Variants in GRIN2B observed in about 807,000 individuals in gnomAD.
GRIN2B encodes glutamate receptor ionotropic, NMDA 2B.
GRIN2B carries 5 observed loss-of-function variants against 114.5 expected under a neutral mutation model. The ratio of observed to expected loss-of-function variants is 0.04; its 90% confidence interval spans 0.02 to 0.09. The LOEUF (loss-of-function observed/expected upper bound fraction) is 0.09. Among genes scored for constraint, GRIN2B ranks in the 10% least tolerant of loss-of-function variants. The pLI is 1.00. For missense variants in GRIN2B, 1,108 were observed against 1,943.5 expected, an observed-to-expected ratio of 0.57 and a Z score of 8.08; for synonymous variants, 787 against 745.1, an observed-to-expected ratio of 1.06 and a Z score of -0.92.
intron 10 of GRIN2B, among the ~76,000 whole-genome samples, chr12:13,581,043 C>T (rs1379387363): frequency 1.3e-5 from 2 of 152,162 alleles, no homozygotes; most frequent in African/African-American, 4.8e-5. Flanking sequence ...TATGTGAATG[C>T]ACCAGTTGAT....
intron 5 of GRIN2B, among the ~76,000 whole-genome samples, chr12:13,647,846 A>G (rs771754637): frequency 4.6e-5 from 7 of 152,112 alleles, no homozygotes; most frequent in Non-Finnish European, 1.0e-4. Context: ...GCCTATGAAT[A>G]AGGTTCCATG....
chr12:13,975,020 T>C (rs748354907), intron 2 of GRIN2B, among the ~76,000 whole-genome samples: 3 of 152,078 alleles, frequency 2.0e-5, no homozygotes, highest in Non-Finnish European at 2.9e-5. Flanking sequence ...AGGCAAAAGA[T>C]GTGCATAGGT....
At chr12:13,732,139 T>C (rs1489164645) in intron 4 of GRIN2B, among the ~76,000 whole-genome samples, 3 of 152,220 alleles carry the variant, frequency 2.0e-5, no homozygotes, top group African/African-American at 4.8e-5. Context: ...CCCTTTACTA[T>C]TGCATGTTCA....
In GRIN2B at chr12:13,552,590, C is replaced by T. The variant is rs1427993080; in HGVS notation, c.*10193G>A. 1.3e-5 allele frequency: 2 copies of T among 151,922 alleles called. No homozygotes were observed. The highest frequency in any genetic ancestry group is 1.9e-4 in the East Asian group (1 of 5,174). The allele number at this position is 151,922 out of a possible 1,614,324, so 9.4% of individuals were successfully genotyped here. On this transcript the variant is annotated 3_prime_UTR_variant, in exon 14 of 14. Transcript: ENST00000609686. ...TATTGGCCCAAATGAGATTCATGAA[C>T]GTCCTTCATGAGGATGGCTGTCTTC...
intron 5 of GRIN2B, among the ~76,000 whole-genome samples, chr12:13,657,518 G>A (rs1949877925): frequency 6.6e-6 from 1 of 152,212 alleles, no homozygotes; most frequent in Admixed American, 6.5e-5. Context: ...CAGGTGTTTG[G>A]TGTTCCCTGA....
intron 4 of GRIN2B, among the ~76,000 whole-genome samples, chr12:13,742,557 A>G (rs1863305308): frequency 6.6e-6 from 1 of 152,126 alleles, no homozygotes; most frequent in African/African-American, 2.4e-5. Context: ...CAGCCTCTCA[A>G]GTAGCTAGGA....
intron 4 of GRIN2B, among the ~76,000 whole-genome samples, chr12:13,712,166 G>A (rs1479598581): frequency 6.6e-6 from 1 of 151,028 alleles, no homozygotes; most frequent in Non-Finnish European, 1.5e-5. Flanking sequence ...ACTCATAGGT[G>A]GGAATTGAAC....
intron 4 of GRIN2B, among the ~76,000 whole-genome samples, chr12:13,715,376 C>T (rs748867188): frequency 3.4e-4 from 51 of 151,782 alleles, no homozygotes; most frequent in African/African-American, 8.9e-4. Flanking sequence ...AAATGTTTTT[C>T]TTTCTGGCAA....
At chr12:13,874,838 T>C (rs906053532) in intron 2 of GRIN2B, among the ~76,000 whole-genome samples, 2 of 152,090 alleles carry the variant, frequency 1.3e-5, no homozygotes, top group Admixed American at 1.3e-4. Flanking sequence ...AGGAAGATAC[T>C]GGAAGGACTA....
intron 2 of GRIN2B, among the ~76,000 whole-genome samples, chr12:13,931,608 T>C (rs761017962): frequency 6.6e-6 from 1 of 152,220 alleles, no homozygotes. Context: ...TATGTCTAGT[T>C]CTGACTTCTT....
At chr12:13,600,361 T>A (rs745419310) in intron 10 of GRIN2B, among the ~76,000 whole-genome samples, 8 of 152,232 alleles carry the variant, frequency 5.3e-5, no homozygotes, top group Non-Finnish European at 2.9e-5. Flanking sequence ...AGACAAACTT[T>A]CTGATATCTA....
At chr12:13,979,139 G>T (rs1030933033) in intron 2 of GRIN2B, among the ~76,000 whole-genome samples, 2 of 152,108 alleles carry the variant, frequency 1.3e-5, no homozygotes, top group African/African-American at 4.8e-5. Flanking sequence ...GAGGATGTGT[G>T]GGTATAAATA....
Position 13,740,977 on chromosome 12 carries a change from T to A in GRIN2B, c.1010+12340A>T, listed in dbSNP as rs147380175. Among the ~76,000 whole-genome samples, 393 of 152,288 alleles carry A rather than the reference T, an allele frequency of 2.6e-3. 2 individuals carry two copies. The highest frequency in any genetic ancestry group is 4.6e-3 in the Non-Finnish European group (314 of 68,008). ...ATGCCACTCCCAGGCTGATTCTAGA[T>A]GTGTCATGGTCTAGTCTTTAGGGCA... On this transcript the variant is annotated intron_variant, in intron 4 of 13. Coordinates refer to ENST00000609686, the MANE Select transcript of GRIN2B (RefSeq NM_000834.5).
In GRIN2B at chr12:13,579,128, T is replaced by C. The variant is rs372577348; in HGVS notation, c.2011-7164A>G. 5.9e-5 allele frequency among the ~76,000 whole-genome samples: 9 copies of C among 152,066 alleles called. No individual in the cohort carries two copies. The East Asian group carries it at 9.7e-4, about 16-fold the overall frequency. ...AAAATGGTTTCTAGATAGAGACGAG[T>C]GTCTGTTCAAAGACACAAGGTGGTG... On this transcript the variant is annotated intron_variant, in intron 10 of 13. Coordinates refer to ENST00000609686, the MANE Select transcript of GRIN2B (RefSeq NM_000834.5).
At chr12:13,674,343 G>A (rs1950050792) in intron 5 of GRIN2B, among the ~76,000 whole-genome samples, 1 of 152,106 alleles carries the variant, frequency 6.6e-6, no homozygotes, top group African/African-American at 2.4e-5. Context: ...CTGAGTGACA[G>A]AATGAGACCC....
chr12:13,599,287 C>CTA (rs1949120717), intron 10 of GRIN2B, among the ~76,000 whole-genome samples: 1 of 152,120 alleles, frequency 6.6e-6, no homozygotes, highest in Admixed American at 6.5e-5. Flanking sequence ...TAGCATATGC[C>CTA]CAGCTAGGCC....
chr12:13,957,749 C>G (rs1867617313), intron 2 of GRIN2B, among the ~76,000 whole-genome samples: 1 of 152,170 alleles, frequency 6.6e-6, no homozygotes, highest in Admixed American at 6.5e-5. Flanking sequence ...TCTTGCCTCC[C>G]TTGATGACGA....
intron 2 of GRIN2B, among the ~76,000 whole-genome samples, chr12:13,933,496 C>T (rs1867075947): frequency 6.6e-6 from 1 of 152,162 alleles, no homozygotes; most frequent in Admixed American, 6.5e-5. Context: ...CCTGAATATC[C>T]TTACACTTAC....
In GRIN2B at chr12:13,538,899, CTTT is replaced by C. The variant is rs550812480; in HGVS notation, c.*23881_*23883del. The stretch of plus-strand genomic sequence containing the variant: ...CAAGATTTCAAGTCTTGTCTTCCCC[CTTT>C]TTTTTTTAAACAAATCTCAGATTTT... On this transcript the variant is annotated 3_prime_UTR_variant, in exon 14 of 14. Transcript: ENST00000609686. 6.8e-6 allele frequency: 1 copy of C among 147,790 alleles called. No homozygotes were observed. Among genetic ancestry groups the C allele is most frequent in the Non-Finnish European group, 1.5e-5 (1 of 66,640 alleles). The allele number at this position is 147,790 out of a possible 1,614,324, so 9.2% of individuals were successfully genotyped here.
Sources: allele counts gnomAD v4.1 joint callset (sites outside exome capture counted in the v4.1 genomes callset), GRCh38; gene constraint gnomAD v4.1.1; transcripts MANE v1.5; gene names NCBI Gene and HGNC (gene_info 2026-07-23, HGNC 2026-07-21).